Variants in PVT1 observed in about 807,000 individuals in gnomAD.
PVT1 encodes CXCR4/PVT1 fusion.
intron 4 of PVT1, among the ~76,000 whole-genome samples, chr8:128,007,427 T>TA (rs143993861): frequency 0.19 from 26,906 of 143,620 alleles, 2,544 homozygotes; most frequent in South Asian, 0.33. Context: ...AAATAAAAAC[T>TA]AAAAAAAAAA....
At chr8:127,906,242 C>T (rs1350250924) in intron 3 of PVT1, among the ~76,000 whole-genome samples, 1 of 152,156 alleles carries the variant, frequency 6.6e-6, no homozygotes, top group Non-Finnish European at 1.5e-5. Context: ...TTTGTCCTTG[C>T]TGATAACCTA....
chr8:128,028,976 G>A (rs1192842214), intron 4 of PVT1, among the ~76,000 whole-genome samples: 1 of 151,882 alleles, frequency 6.6e-6, no homozygotes, highest in African/African-American at 2.4e-5. Flanking sequence ...CCAAGTAGTT[G>A]GGACTACAGG....
chr8:127,941,094 T>C (rs948820244), intron 3 of PVT1, among the ~76,000 whole-genome samples: 9 of 152,368 alleles, frequency 5.9e-5, no homozygotes, highest in Middle Eastern at 3.4e-3. Context: ...TCCAGATGCA[T>C]TGAGCTTCTG....
intron 2 of PVT1, among the ~76,000 whole-genome samples, chr8:127,874,651 A>G (rs1305117456): frequency 6.6e-6 from 1 of 152,170 alleles, no homozygotes; most frequent in Non-Finnish European, 1.5e-5. Flanking sequence ...TGCACCGTGA[A>G]TGTTAGCAGT....
intron 2 of PVT1, among the ~76,000 whole-genome samples, chr8:127,879,528 C>T (rs781651958): frequency 6.6e-6 from 1 of 152,118 alleles, no homozygotes; most frequent in Non-Finnish European, 1.5e-5. Context: ...GACTCTATCT[C>T]AATTAAACAA....
At chr8:128,023,842 A>T (rs143098896) in intron 4 of PVT1, among the ~76,000 whole-genome samples, 47 of 152,318 alleles carry the variant, frequency 3.1e-4, no homozygotes, top group Admixed American at 1.8e-3. Flanking sequence ...ACATTCTTCA[A>T]GGAGAAAACA....
At chr8:127,937,062 C>T (rs1816284868) in intron 3 of PVT1, among the ~76,000 whole-genome samples, 1 of 152,180 alleles carries the variant, frequency 6.6e-6, no homozygotes, top group Admixed American at 6.5e-5. Context: ...GTCACCTAAC[C>T]CCTCGGGCTT....
intron 4 of PVT1, among the ~76,000 whole-genome samples, chr8:127,994,306 T>C (rs1373518128): frequency 6.6e-6 from 1 of 152,104 alleles, no homozygotes; most frequent in African/African-American, 2.4e-5. Context: ...CTCTCCAACT[T>C]TCCCTGGGAG....
intron 3 of PVT1, among the ~76,000 whole-genome samples, chr8:127,950,033 C>T (rs1004282254): frequency 4.6e-5 from 7 of 152,258 alleles, no homozygotes; most frequent in Non-Finnish European, 7.3e-5. Flanking sequence ...GGGAGTTTCC[C>T]TCCAACTTAA....
chr8:127,832,582 G>T (rs948897873), intron 2 of PVT1, among the ~76,000 whole-genome samples: 5 of 152,338 alleles, frequency 3.3e-5, no homozygotes, highest in African/African-American at 4.8e-5. Context: ...CACATGGCCG[G>T]GTGTGGTGGC....
intron 4 of PVT1, among the ~76,000 whole-genome samples, chr8:128,037,492 A>G (rs985069762): frequency 8.5e-5 from 13 of 152,356 alleles, no homozygotes; most frequent in African/African-American, 3.1e-4. Context: ...CCGTGTCGGC[A>G]ACAGGCTTGG....
intron 4 of PVT1, among the ~76,000 whole-genome samples, chr8:128,031,778 T>A (rs1166077767): frequency 1.3e-5 from 2 of 152,230 alleles, no homozygotes; most frequent in African/African-American, 2.4e-5. Flanking sequence ...TTATCTTCAT[T>A]TTATAAATGA....
At chr8:128,021,583 G>A (rs1360926495) in intron 4 of PVT1, among the ~76,000 whole-genome samples, 3 of 152,040 alleles carry the variant, frequency 2.0e-5, no homozygotes, top group Non-Finnish European at 2.9e-5. Flanking sequence ...GTGAGCAACC[G>A]CGCCCGGCCT....
At chr8:127,905,560 ATG>A (rs1459389176) in intron 3 of PVT1, among the ~76,000 whole-genome samples, 2 of 152,142 alleles carry the variant, frequency 1.3e-5, no homozygotes. Context: ...ACTCAGGTGA[ATG>A]TGTTTGTATG....
chr8:127,992,820 C>T (rs879472373), intron 4 of PVT1, among the ~76,000 whole-genome samples: 2 of 152,218 alleles, frequency 1.3e-5, no homozygotes, highest in African/African-American at 2.4e-5. Flanking sequence ...CATCTGCTGG[C>T]TCCCTGCCTG....
At chr8:127,985,680 C>A (rs1478279254) in intron 3 of PVT1, among the ~76,000 whole-genome samples, 2 of 152,124 alleles carry the variant, frequency 1.3e-5, no homozygotes, top group African/African-American at 2.4e-5. Context: ...TTTTCTGGGG[C>A]CTTCTCCAGA....
intron 3 of PVT1, among the ~76,000 whole-genome samples, chr8:127,903,604 G>A (rs1164657084): frequency 6.6e-6 from 1 of 152,104 alleles, no homozygotes; most frequent in African/African-American, 2.4e-5. Context: ...TTTTTGTGTG[G>A]TGATAAATAG....
At chr8:127,942,173 T>C (rs1437573053) in intron 3 of PVT1, among the ~76,000 whole-genome samples, 5 of 152,170 alleles carry the variant, frequency 3.3e-5, no homozygotes, top group African/African-American at 1.2e-4. Context: ...GCCTGTCAGT[T>C]CTGCCAGTTG....
At chr8:127,913,946 C>T (rs1563637668) in intron 3 of PVT1, among the ~76,000 whole-genome samples, 2 of 152,026 alleles carry the variant, frequency 1.3e-5, no homozygotes, top group African/African-American at 2.4e-5. Context: ...ATGCAGAATC[C>T]AGCAGCCCCC....
Sources: gnomAD v4.1 joint callset for allele counts (sites outside exome capture counted in the v4.1 genomes callset) on GRCh38, gnomAD v4.1.1 for gene constraint, MANE v1.5 for transcripts, NCBI Gene and HGNC (gene_info 2026-07-23, HGNC 2026-07-21) for gene names.